Variants in SLIT3 observed in about 807,000 individuals in gnomAD.
The protein encoded by SLIT3 is slit homolog 3 protein.
A neutral mutation model predicts 184.0 loss-of-function variants in SLIT3; 68 were observed. The observed-to-expected ratio is 0.37, with a 90% CI of 0.30 to 0.45. SLIT3 has a LOEUF of 0.45. SLIT3 is among the 20% of genes least tolerant of loss of function. The pLI is 1.00. For synonymous variants in SLIT3, 831 were observed against 828.6 expected (o/e 1.00, Z -0.05); for missense variants, 1,707 against 2,026.0 (o/e 0.84, Z 3.02).
At chr5:169,000,174 A>G (rs1474120466) in intron 4 of SLIT3, among the ~76,000 whole-genome samples, 1 of 152,044 alleles carries the variant, frequency 6.6e-6, no homozygotes, top group African/African-American at 2.4e-5. Flanking sequence ...CAGGCGCATC[A>G]TGAGATCAAG....
intron 4 of SLIT3, among the ~76,000 whole-genome samples, chr5:169,081,050 C>T (rs768336909): frequency 6.6e-5 from 10 of 152,220 alleles, no homozygotes; most frequent in Admixed American, 3.3e-4. Flanking sequence ...CAGGGCTCCC[C>T]GCTCCAGCTC....
intron 4 of SLIT3, among the ~76,000 whole-genome samples, chr5:169,083,134 A>C (rs905528321): frequency 8.5e-5 from 13 of 152,244 alleles, no homozygotes; most frequent in African/African-American, 3.1e-4. Context: ...TCAGAAGCGG[A>C]ATGGATCACA....
chr5:169,168,792 G>A (rs1056054370), intron 4 of SLIT3, among the ~76,000 whole-genome samples: 5 of 152,238 alleles, frequency 3.3e-5, no homozygotes, highest in Non-Finnish European at 5.9e-5. Flanking sequence ...GATGGCTGAA[G>A]TCTGAGCTGC....
At chr5:168,934,104 G>A (rs1442677999) in intron 4 of SLIT3, among the ~76,000 whole-genome samples, 1 of 152,188 alleles carries the variant, frequency 6.6e-6, no homozygotes, top group Non-Finnish European at 1.5e-5. Context: ...GGCTCCACCT[G>A]CTTCCCGGAA....
chr5:169,142,511 G>A (rs1055732170), intron 4 of SLIT3, among the ~76,000 whole-genome samples: 3 of 152,162 alleles, frequency 2.0e-5, no homozygotes, highest in African/African-American at 4.8e-5. Flanking sequence ...AAATAGCAAA[G>A]CAGTTCATTA....
At chr5:168,675,707 A>C (rs1761385623) in intron 32 of SLIT3, among the ~76,000 whole-genome samples, 2 of 152,190 alleles carry the variant, frequency 1.3e-5, no homozygotes, top group South Asian at 2.1e-4. Context: ...ATTTCTTAAA[A>C]AACAACAACA....
At chr5:168,810,404 G>A (rs1431779777) in intron 8 of SLIT3, among the ~76,000 whole-genome samples, 1 of 152,204 alleles carries the variant, frequency 6.6e-6, no homozygotes, top group Non-Finnish European at 1.5e-5. Context: ...GCACAGTGAT[G>A]CACCAGGCTA....
intron 1 of SLIT3, among the ~76,000 whole-genome samples, chr5:169,268,155 A>C (rs1237890843): frequency 6.6e-6 from 1 of 152,180 alleles, no homozygotes; most frequent in Non-Finnish European, 1.5e-5. Context: ...AATTTGATGC[A>C]CATTTGGGAA....
intron 29 of SLIT3, among the ~76,000 whole-genome samples, chr5:168,689,395 T>C (rs1234050034): frequency 2.0e-5 from 3 of 152,264 alleles, no homozygotes; most frequent in African/African-American, 7.2e-5. Flanking sequence ...AACCGCATGC[T>C]GTCCTTGGTT....
intron 4 of SLIT3, chr5:168,992,941 A>C (rs919420413): frequency 1.3e-5 from 2 of 152,242 alleles, no homozygotes; most frequent in Non-Finnish European, 2.9e-5. Context: ...CTTTACACGC[A>C]GAACAATGAG....
chr5:168,897,635 G>C (rs1760714693), intron 4 of SLIT3, among the ~76,000 whole-genome samples: 1 of 42,526 alleles, frequency 2.4e-5, no homozygotes, highest in Non-Finnish European at 6.8e-5. Flanking sequence ...AGAGGATGGA[G>C]ACAGGTGCAC....
At chr5:168,980,220 G>A (rs187594626) in intron 4 of SLIT3, among the ~76,000 whole-genome samples, 28 of 152,078 alleles carry the variant, frequency 1.8e-4, no homozygotes, top group African/African-American at 5.1e-4. Flanking sequence ...CAGCCCCCAC[G>A]CCCTCTCCTC....
At chr5:169,251,123 A>C (rs1316536397) in intron 2 of SLIT3, among the ~76,000 whole-genome samples, 2 of 152,240 alleles carry the variant, frequency 1.3e-5, no homozygotes, top group African/African-American at 2.4e-5. Context: ...GAAGCTGGGC[A>C]TGGTGATTTA....
intron 20 of SLIT3, among the ~76,000 whole-genome samples, chr5:168,746,890 G>GTGTGAGTGTGGTGGTGT (rs1315892304): frequency 2.1e-5 from 1 of 47,754 alleles, no homozygotes; most frequent in African/African-American, 9.9e-5. Flanking sequence ...GGTGTGTGGT[G>GTGTGAGTGTGGTGGTGT]GTGTGTGGTG....
At chr5:168,925,227 G>T (rs545320962) in intron 4 of SLIT3, among the ~76,000 whole-genome samples, 1 of 152,098 alleles carries the variant, frequency 6.6e-6, no homozygotes, top group African/African-American at 2.4e-5. Flanking sequence ...GAATGGGCTC[G>T]GGGAGCAGGT....
chr5:169,206,284 G>A (rs1260557228), intron 3 of SLIT3, among the ~76,000 whole-genome samples: 1 of 152,152 alleles, frequency 6.6e-6, no homozygotes, highest in African/African-American at 2.4e-5. Flanking sequence ...GCAGCTATTA[G>A]GATTTTTTCC....
chr5:169,258,538 A>ATCTGCCATG (rs1581110275), intron 1 of SLIT3, among the ~76,000 whole-genome samples: 2 of 152,170 alleles, frequency 1.3e-5, no homozygotes, highest in African/African-American at 2.4e-5. Context: ...GTTGCTCAGC[A>ATCTGCCATG]TCTGCCATGT....
Position 169,271,395 on chromosome 5 carries a change from C to T in SLIT3, c.198-19936G>A, listed in dbSNP as rs148587606. Among the ~76,000 whole-genome samples the T allele has an allele frequency of 4.5e-3, 678 of 152,258 alleles. 2 individuals carry two copies. Among genetic ancestry groups the T allele is most frequent in the African/African-American group, 0.015 (627 of 41,558 alleles). On this transcript the variant is annotated intron_variant, in intron 1 of 35. Transcript: ENST00000519560. ...CCTGCGATTACACCTTGCTCCTGGT[C>T]CCTCAAACTCTCAGACAGTGGGCTA...
At chr5:169,263,271 G>T (rs576719623) in intron 1 of SLIT3, among the ~76,000 whole-genome samples, 5 of 152,258 alleles carry the variant, frequency 3.3e-5, no homozygotes, top group African/African-American at 1.2e-4. Context: ...AAGCCCAGGG[G>T]GGCAGAGGCT....
Sources: gnomAD v4.1 joint callset for allele counts (sites outside exome capture counted in the v4.1 genomes callset) on GRCh38, gnomAD v4.1.1 for gene constraint, MANE v1.5 for transcripts, NCBI Gene and HGNC (gene_info 2026-07-23, HGNC 2026-07-21) for gene names.